TCERG1L: variants seen among roughly 807,000 people sequenced by gnomAD.
TCERG1L encodes transcription elongation regulator 1 like, also known as transcription elongation regulator 1-like protein.
TCERG1L carries 37 observed loss-of-function variants against 56.3 expected under a neutral mutation model. The ratio of observed to expected loss-of-function variants is 0.66; its 90% confidence interval spans 0.51 to 0.87. TCERG1L has a LOEUF of 0.87. Among genes scored for constraint, TCERG1L ranks in the 40% least tolerant of loss-of-function variants. TCERG1L has a pLI of 0.00. For synonymous variants in TCERG1L, 324 were observed against 326.3 expected, an observed-to-expected ratio of 0.99 and a Z score of 0.08; for missense variants, 799 against 774.2, an observed-to-expected ratio of 1.03 and a Z score of -0.38.
intron 4 of TCERG1L, among the ~76,000 whole-genome samples, chr10:131,220,770 C>T (rs2133498260): frequency 6.6e-6 from 1 of 152,310 alleles, no homozygotes; most frequent in South Asian, 2.1e-4. Flanking sequence ...GCTGCCCAAA[C>T]CCTTGGCAGT....
intron 6 of TCERG1L, among the ~76,000 whole-genome samples, chr10:131,153,116 C>G (rs1010701020): frequency 1.3e-5 from 2 of 152,074 alleles, no homozygotes; most frequent in Admixed American, 6.6e-5. Flanking sequence ...ATTAGTGGGT[C>G]CAGGAAGAGG....
At chr10:131,231,000 G>A (rs1371517846) in intron 4 of TCERG1L, among the ~76,000 whole-genome samples, 1 of 151,082 alleles carries the variant, frequency 6.6e-6, no homozygotes, top group Admixed American at 6.5e-5. Flanking sequence ...GGGTACCCCT[G>A]AGCACCGCTC....
At chr10:131,171,836 G>A (rs1387088223) in intron 4 of TCERG1L, among the ~76,000 whole-genome samples, 1 of 152,214 alleles carries the variant, frequency 6.6e-6, no homozygotes, top group Non-Finnish European at 1.5e-5. Context: ...CTCCCAAAGT[G>A]CTGGGATTAC....
At position 131,148,007 on chromosome 10, in the gene TCERG1L, C is replaced by T. The variant is rs150602313; in HGVS notation, c.1035-1347G>A. On this transcript the variant is annotated intron_variant, in intron 6 of 11. Coordinates refer to ENST00000368642, the MANE Select transcript of TCERG1L (RefSeq NM_174937.4). ...GGCAACCCTGGGCAGACCAGGACCC[C>T]TCCCAGAAATCACCCTGAGAAGGTG... Among the ~76,000 whole-genome samples the T allele has an allele frequency of 2.4e-3, 362 of 152,362 alleles. 2 individuals carry two copies. In the South Asian group the frequency reaches 0.028, roughly 12 times the overall value.
At chr10:131,295,893 T>C (rs76660946) in intron 3 of TCERG1L, among the ~76,000 whole-genome samples, 242 of 152,356 alleles carry the variant, frequency 1.6e-3, no homozygotes, top group African/African-American at 5.6e-3. Flanking sequence ...CCTGTGCTTA[T>C]TGGCAATCCA....
intron 4 of TCERG1L, among the ~76,000 whole-genome samples, chr10:131,175,777 G>A (rs2133445045): frequency 6.6e-6 from 1 of 152,216 alleles, no homozygotes; most frequent in South Asian, 2.1e-4. Flanking sequence ...CCCCAACCTT[G>A]GACCAAGAAA....
intron 4 of TCERG1L, among the ~76,000 whole-genome samples, chr10:131,251,035 G>T (rs753665196): frequency 6.6e-6 from 1 of 152,196 alleles, no homozygotes; most frequent in East Asian, 1.9e-4. Flanking sequence ...CAAATTCTCC[G>T]GCTTGTCGGA....
chr10:131,230,373 T>G (rs1026197271), intron 4 of TCERG1L, among the ~76,000 whole-genome samples: 1 of 152,234 alleles, frequency 6.6e-6, no homozygotes, highest in Non-Finnish European at 1.5e-5. Flanking sequence ...TTCCGCCTCC[T>G]GGGTGACCGC....
At chr10:131,160,194 G>A (rs1390885656) in intron 6 of TCERG1L, among the ~76,000 whole-genome samples, 7 of 152,132 alleles carry the variant, frequency 4.6e-5, no homozygotes, top group African/African-American at 9.7e-5. Context: ...CACAGGAGGC[G>A]CCCACCTGGG....
chr10:131,194,692 C>G (rs902573243), intron 4 of TCERG1L, among the ~76,000 whole-genome samples: 1 of 152,064 alleles, frequency 6.6e-6, no homozygotes. Flanking sequence ...CTTGTTTGCA[C>G]GTGGAATTTA....
At chr10:131,115,794 C>T (rs1437874063) in intron 9 of TCERG1L, among the ~76,000 whole-genome samples, 1 of 152,166 alleles carries the variant, frequency 6.6e-6, no homozygotes, top group Admixed American at 6.5e-5. Context: ...TCTCTGTTCC[C>T]CCAAGGCTTA....
At chr10:131,115,504 C>T (rs537686324) in intron 9 of TCERG1L, among the ~76,000 whole-genome samples, 11 of 152,268 alleles carry the variant, frequency 7.2e-5, no homozygotes, top group Admixed American at 2.6e-4. Context: ...GCGCCAGGGC[C>T]GGATCCACAC....
chr10:131,305,683 C>T (rs1479398313), intron 3 of TCERG1L, among the ~76,000 whole-genome samples: 1 of 152,086 alleles, frequency 6.6e-6, no homozygotes, highest in Non-Finnish European at 1.5e-5. Flanking sequence ...GACCTGTTTA[C>T]AATGAGTGAG....
Position 131,134,430 on chromosome 10 carries a change from G to A in TCERG1L, c.1208C>T (p.Ser403Phe), listed in dbSNP as rs1191225290. 4 of 1,595,560 alleles carry A rather than the reference G, an allele frequency of 2.5e-6. No individual in the cohort carries two copies. Among genetic ancestry groups the A allele is most frequent in the Non-Finnish European group, 3.4e-6 (4 of 1,170,442 alleles). Residue 403 changes from serine (S) to phenylalanine (F), a missense_variant, in exon 8 of 12, where the codon TCC becomes TTC. Physicochemically the swap from Ser to Phe is radical, Grantham distance 155. Transcript: ENST00000368642. Reference protein sequence around the residue: ...EAPATDNSDGSSSEDNREDQD... With the variant: ...EAPATDNSDGFSSEDNREDQD... Reference sequence around the variant, plus strand: ...GTCTTCCCTGTTGTCTTCAGAACTGGACCCATCGCTGTTGTCAGCTGAAAG... The same window carrying A: ...GTCTTCCCTGTTGTCTTCAGAACTGAACCCATCGCTGTTGTCAGCTGAAAG...
At chr10:131,266,519 G>T (rs1846287994) in intron 3 of TCERG1L, among the ~76,000 whole-genome samples, 1 of 152,186 alleles carries the variant, frequency 6.6e-6, no homozygotes, top group Non-Finnish European at 1.5e-5. Flanking sequence ...TGTGGCCAGT[G>T]GCACCTTGGT....
intron 11 of TCERG1L, among the ~76,000 whole-genome samples, chr10:131,096,349 C>T (rs1446066725): frequency 6.6e-6 from 1 of 152,240 alleles, no homozygotes; most frequent in Non-Finnish European, 1.5e-5. Context: ...ATTCTCATGA[C>T]TGCTTTAACA....
At chr10:131,212,129 C>T (rs1225700944) in intron 4 of TCERG1L, among the ~76,000 whole-genome samples, 2 of 152,194 alleles carry the variant, frequency 1.3e-5, no homozygotes, top group African/African-American at 2.4e-5. Context: ...GTGTGGGAAC[C>T]ATCCCTGCCC....
intron 4 of TCERG1L, among the ~76,000 whole-genome samples, chr10:131,248,195 CACT>C (rs1430125363): frequency 6.8e-6 from 1 of 148,028 alleles, no homozygotes; most frequent in Non-Finnish European, 1.5e-5. Context: ...CACAAACACA[CACT>C]ACTCACACAC....
At chr10:131,112,367 G>A (rs1388941296) in intron 9 of TCERG1L, among the ~76,000 whole-genome samples, 1 of 142,010 alleles carries the variant, frequency 7.0e-6, no homozygotes, top group African/African-American at 2.5e-5. Flanking sequence ...TACCCCCAGC[G>A]GGCTCCTTCC....
Sources: gnomAD v4.1 joint callset for allele counts (sites outside exome capture counted in the v4.1 genomes callset) on GRCh38, gnomAD v4.1.1 for gene constraint, MANE v1.5 for transcripts, NCBI Gene and HGNC (gene_info 2026-07-23, HGNC 2026-07-21) for gene names.